RNF144A: variants seen among roughly 807,000 people sequenced by gnomAD.
The protein encoded by RNF144A is E3 ubiquitin-protein ligase RNF144A.
A neutral mutation model predicts 38.7 loss-of-function variants in RNF144A; 11 were observed. The observed-to-expected ratio is 0.28, with a 90% CI of 0.18 to 0.47. The LOEUF (loss-of-function observed/expected upper bound fraction) is 0.47. Ranked by LOEUF, RNF144A falls within the 20% of genes least tolerant of loss-of-function variation. The pLI is 0.99. For missense variants in RNF144A, 316 were observed against 377.2 expected (o/e 0.84, Z 1.34); for synonymous variants, 149 against 143.9 (o/e 1.04, Z -0.25).
intron 2 of RNF144A, among the ~76,000 whole-genome samples, chr2:6,985,350 A>G (rs1356625479): frequency 7.4e-6 from 1 of 134,766 alleles, no homozygotes; most frequent in Non-Finnish European, 1.5e-5. Flanking sequence ...TTTGATTATT[A>G]TTATTAGACA....
At chr2:6,937,801 G>C (rs2103291187) in intron 1 of RNF144A, among the ~76,000 whole-genome samples, 1 of 152,286 alleles carries the variant, frequency 6.6e-6, no homozygotes, top group African/African-American at 2.4e-5. Context: ...GGCATTAAAG[G>C]CTTTAGCTTG....
At chr2:7,032,378 C>T (rs1672370778) in intron 8 of RNF144A, among the ~76,000 whole-genome samples, 2 of 152,282 alleles carry the variant, frequency 1.3e-5, no homozygotes, top group African/African-American at 2.4e-5. Flanking sequence ...TGCTCGAATC[C>T]GCGCCCCTTG....
chr2:6,990,385 TACACACACACACACACACACAC>T (rs60196595), intron 2 of RNF144A, among the ~76,000 whole-genome samples: 8 of 123,892 alleles, frequency 6.5e-5, no homozygotes, highest in Non-Finnish European at 9.9e-5. Flanking sequence ...TATATATATT[TACACACACACACACACACACAC>T]ACACACACAC....
chr2:6,917,450 T>G lies in RNF144A; in HGVS notation c.-384T>G, dbSNP rs1301817508. On this transcript the variant is annotated 5_prime_UTR_variant, in exon 1 of 9. Coordinates refer to ENST00000320892, the MANE Select transcript of RNF144A (RefSeq NM_014746.6). This position sits in a 1 kb window ranked among gnomAD's most constrained non-coding sequence, Gnocchi z 4.8. Reference sequence around the variant, plus strand: ...CGCGCCCCGCCCGCGCAGCCGCTTCTCCCCGCGCGGGCTCTCGGCAGGCGG... The same window carrying G: ...CGCGCCCCGCCCGCGCAGCCGCTTCGCCCCGCGCGGGCTCTCGGCAGGCGG... The G allele has an allele frequency of 6.8e-6, 1 of 146,326 alleles. No homozygotes were observed. Among genetic ancestry groups the G allele is most frequent in the Non-Finnish European group, 1.5e-5 (1 of 65,920 alleles). The allele number at this position is 146,326 out of a possible 1,614,324, so 9.1% of individuals were successfully genotyped here.
chr2:6,938,947 G>T (rs1049862747), intron 1 of RNF144A, among the ~76,000 whole-genome samples: 1 of 152,232 alleles, frequency 6.6e-6, no homozygotes, highest in South Asian at 2.1e-4. Flanking sequence ...CCATTGCATA[G>T]ATTTGCCTCA....
intron 1 of RNF144A, among the ~76,000 whole-genome samples, chr2:6,926,765 A>T (rs1320745454): frequency 6.6e-6 from 1 of 152,244 alleles, no homozygotes. Context: ...ACATTCATTC[A>T]CTATAATATT....
At chr2:7,076,187 T>C in the RNF144A span, among the ~76,000 whole-genome samples, 1 of 152,138 alleles carries the variant, frequency 6.6e-6, no homozygotes, top group African/African-American at 2.4e-5. Flanking sequence ...GCCTGTGTGG[T>C]TGACAGTTTT....
chr2:7,066,864 C>G (rs1022727182), intron 6 of RNF144A, among the ~76,000 whole-genome samples: 4 of 152,174 alleles, frequency 2.6e-5, no homozygotes, highest in African/African-American at 4.8e-5. Context: ...TCAGAAACAG[C>G]CTGAGAGCAA....
chr2:6,980,203 C>T (rs546871053), intron 2 of RNF144A, among the ~76,000 whole-genome samples: 4 of 152,286 alleles, frequency 2.6e-5, no homozygotes, highest in Middle Eastern at 3.4e-3. Context: ...TCCACCCCAG[C>T]GTCTCCCAGA....
At chr2:7,001,204 G>T (rs1670080229) in intron 3 of RNF144A, among the ~76,000 whole-genome samples, 1 of 152,004 alleles carries the variant, frequency 6.6e-6, no homozygotes, top group Non-Finnish European at 1.5e-5. Context: ...GGAGGCTGAG[G>T]CAGGAGAATC....
At chr2:7,010,005 G>T (rs1298750889) in intron 3 of RNF144A, among the ~76,000 whole-genome samples, 2 of 152,198 alleles carry the variant, frequency 1.3e-5, no homozygotes, top group Non-Finnish European at 2.9e-5. Context: ...ACTCTGTTAG[G>T]TATGGGGAAT....
chr2:7,004,996 G>A (rs1366646758), intron 3 of RNF144A, among the ~76,000 whole-genome samples: 2 of 152,144 alleles, frequency 1.3e-5, no homozygotes, highest in Non-Finnish European at 2.9e-5. Context: ...TCTCTTTCTA[G>A]TCTTATTTTT....
rs540165331 is a variant in RNF144A at position 7,020,047 on chromosome 2, C to T, written c.302-426C>T. ...TGCCCAACATGGGGCCATCAGGGGT[C>T]CAGCTTCAGAAAACTGTCCCCTAGG... On this transcript the variant is annotated intron_variant, in intron 5 of 8. Coordinates refer to ENST00000320892, the MANE Select transcript of RNF144A (RefSeq NM_014746.6). 1.6e-4 allele frequency among the ~76,000 whole-genome samples: 25 copies of T among 152,130 alleles called. 1 individual carries two copies. Among genetic ancestry groups the T allele is most frequent in the Non-Finnish European group, 2.9e-4 (20 of 68,022 alleles).
rs752900255 is a variant in RNF144A, at chr2:7,039,734, G to A, written c.853G>A (p.Gly285Ser). ...VLCCKCKCSK[G>S]DDDPLPT ...TTGCTGCAAGTGCAAGTGCAGTAAA[G>A]GTGACGACGACCCGTTACCCACCTA... Residue 285 changes from glycine to serine, a missense_variant, in exon 9 of 9, where the codon GGT becomes AGT. By Grantham distance (56) the Gly-to-Ser change is moderately conservative. Coordinates refer to ENST00000320892, the MANE Select transcript of RNF144A (RefSeq NM_014746.6). 4 of 1,613,822 alleles carry A rather than the reference G, an allele frequency of 2.5e-6. No individual in the cohort carries two copies. The highest frequency in any genetic ancestry group is 1.1e-5 in the South Asian group (1 of 91,052).
intron 8 of RNF144A, among the ~76,000 whole-genome samples, chr2:7,035,571 A>C (rs752374642): frequency 6.6e-6 from 1 of 152,194 alleles, no homozygotes; most frequent in Non-Finnish European, 1.5e-5. Flanking sequence ...CCCTGGGGAC[A>C]CATTTCTCTG....
chr2:6,971,299 T>C (rs1024924995), intron 2 of RNF144A, among the ~76,000 whole-genome samples: 4 of 152,164 alleles, frequency 2.6e-5, no homozygotes, highest in African/African-American at 9.7e-5. Context: ...CTACCTTCTT[T>C]TGACTGGGAG....
chr2:7,072,933 C>A (rs149002575), downstream of RNF144A, among the ~76,000 whole-genome samples: 1 of 152,318 alleles, frequency 6.6e-6, no homozygotes, highest in East Asian at 1.9e-4. Context: ...GAACTAGCAT[C>A]TGATCTGGAA....
chr2:7,073,291 G>A, the RNF144A span, among the ~76,000 whole-genome samples: 15 of 152,248 alleles, frequency 9.9e-5, no homozygotes, highest in South Asian at 2.1e-4. Flanking sequence ...AAACCACTCC[G>A]CTTTGTACTT....
chr2:7,067,272 T>C (rs1424660963), intron 6 of RNF144A, among the ~76,000 whole-genome samples: 2 of 152,222 alleles, frequency 1.3e-5, no homozygotes, highest in African/African-American at 2.4e-5. Flanking sequence ...TCTCCAACCC[T>C]TCTGACTTGG....
Sources: gnomAD v4.1 joint callset for allele counts (sites outside exome capture counted in the v4.1 genomes callset) on GRCh38, gnomAD v4.1.1 for gene constraint, Gnocchi (gnomAD v3.1) non-coding constraint, MANE v1.5 for transcripts, NCBI Gene and HGNC (gene_info 2026-07-23, HGNC 2026-07-21) for gene names.